FER1L6: variants seen among roughly 807,000 people sequenced by gnomAD.
FER1L6 encodes fer-1-like protein 6.
FER1L6 carries 177 observed loss-of-function variants against 219.2 expected under a neutral mutation model. The ratio of observed to expected loss-of-function variants is 0.81; its 90% CI spans 0.71 to 0.91. The LOEUF (loss-of-function observed/expected upper bound fraction) is 0.91, where lower values mean the gene tolerates loss of function less well. Among genes scored for constraint, FER1L6 ranks in the 40% least tolerant of loss-of-function variants. The pLI, the probability that FER1L6 is intolerant of heterozygous loss-of-function variation, is 0.00. For synonymous variants in FER1L6, 768 were observed against 824.3 expected, an observed-to-expected ratio of 0.93 and a Z score of 1.17; for missense variants, 2,153 against 2,259.9, an observed-to-expected ratio of 0.95 and a Z score of 0.96.
chr8:123,962,490 G>T (rs528438311), intron 2 of FER1L6, among the ~76,000 whole-genome samples: 82 of 152,166 alleles, frequency 5.4e-4, no homozygotes, highest in African/African-American at 1.9e-3. Flanking sequence ...TTGCCACAGG[G>T]TCCATTCTGT....
At chr8:124,069,596 C>A in intron 29 of FER1L6, 121 bp downstream of exon 29, 1 of 662,652 alleles carries the variant, frequency 1.5e-6, no homozygotes, top group Non-Finnish European at 2.5e-6. Context: ...TCATTGTCAC[C>A]GATGTAGAGA....
At chr8:123,928,912 C>T (rs1225538296) in intron 1 of FER1L6, among the ~76,000 whole-genome samples, 1 of 152,130 alleles carries the variant, frequency 6.6e-6, no homozygotes, top group African/African-American at 2.4e-5. Context: ...GAAAGTGAGG[C>T]ACACCCAGGC....
At chr8:124,027,805 G>GC (rs1379223792) in intron 18 of FER1L6, among the ~76,000 whole-genome samples, 42 of 152,202 alleles carry the variant, frequency 2.8e-4, no homozygotes, top group Non-Finnish European at 5.0e-4. Context: ...TGATTCCTCT[G>GC]CCTTCCTTGG....
chr8:123,941,517 T>C (rs1814241182), intron 1 of FER1L6, among the ~76,000 whole-genome samples: 1 of 152,062 alleles, frequency 6.6e-6, no homozygotes, highest in African/African-American at 2.4e-5. Flanking sequence ...GCAGAGAGAT[T>C]TGAGTACAGG....
rs753065214 is a variant in FER1L6 at position 124,101,125 on chromosome 8, C to G, written c.4912C>G (p.Gln1638Glu). The G allele has an allele frequency of 6.2e-7, 1 of 1,613,490 alleles. No homozygotes were observed. Among genetic ancestry groups the G allele is most frequent in the Non-Finnish European group, 8.5e-7 (1 of 1,179,762 alleles). Residue 1638 changes from glutamine (Q) to glutamate (E), a missense_variant, in exon 38 of 41, where the codon CAG (glutamine) becomes GAG (glutamate). Gln to Glu is a conservative substitution (Grantham distance 29). Coordinates refer to ENST00000522917, the MANE Select transcript of FER1L6 (RefSeq NM_001039112.2). ...GWLKGLEDDKQETDVHYNSLT... is the reference protein window; with the variant it reads ...GWLKGLEDDKEETDVHYNSLT... ...GTTAAAGGGCTTGGAGGATGACAAG[C>G]AGGAGACAGATGTGCATTACAACTC...
intron 2 of FER1L6, among the ~76,000 whole-genome samples, chr8:123,961,705 G>T (rs928633385): frequency 6.6e-6 from 1 of 152,088 alleles, no homozygotes; most frequent in Non-Finnish European, 1.5e-5. Flanking sequence ...CTGAACACAC[G>T]TGCATGTTAT....
At chr8:124,011,479 C>T (rs1379539747) in intron 14 of FER1L6, among the ~76,000 whole-genome samples, 2 of 152,126 alleles carry the variant, frequency 1.3e-5, no homozygotes, top group African/African-American at 4.8e-5. Context: ...CCTCAGCCTC[C>T]CATATAGCTG....
chr8:124,028,017 C>T (rs1818785591), intron 18 of FER1L6, among the ~76,000 whole-genome samples: 1 of 152,162 alleles, frequency 6.6e-6, no homozygotes, highest in Non-Finnish European at 1.5e-5. Flanking sequence ...AATAGCAAAA[C>T]ACTTCAGAAG....
At chr8:123,862,387 T>G (rs1291845542) in intron 1 of FER1L6, among the ~76,000 whole-genome samples, 1 of 134,724 alleles carries the variant, frequency 7.4e-6, no homozygotes, top group Non-Finnish European at 1.6e-5. Flanking sequence ...TTGCCAGTAT[T>G]TTATTGAGGA....
chr8:123,873,507 A>G (rs1007379773), intron 1 of FER1L6, among the ~76,000 whole-genome samples: 1 of 152,164 alleles, frequency 6.6e-6, no homozygotes, highest in Non-Finnish European at 1.5e-5. Flanking sequence ...TTGAAGCGGA[A>G]AAGTTTTACT....
chr8:123,852,471 CGTGTGTGT>C lies in FER1L6; in HGVS notation c.-8+321_-8+328del, dbSNP rs61303449. 0.21 allele frequency among the ~76,000 whole-genome samples: 29,033 copies of C among 139,934 alleles called. 3,161 individuals carry two copies. The highest frequency in any genetic ancestry group is 0.36 in the East Asian group (1,708 of 4,704). The allele number at this position is 139,934 out of a possible 152,430, so 91.8% of individuals were successfully genotyped here. A position where few individuals can be genotyped will look rare whatever the true frequency, so the allele number is the denominator to read the frequency against. ...GCTTGAACTCCATGTTGTGAGCATG[CGTGTGTGT>C]GTGTGTGTGTGTGTGTGTGTGTGTG... On this transcript the variant is annotated intron_variant, in intron 1 of 40. Coordinates refer to ENST00000522917, the MANE Select transcript of FER1L6 (RefSeq NM_001039112.2). The surrounding 1 kb of genome is among the most constrained non-coding windows in gnomAD (Gnocchi z 4.9).
intron 2 of FER1L6, among the ~76,000 whole-genome samples, chr8:123,959,156 A>G (rs1415264697): frequency 3.3e-5 from 5 of 152,212 alleles, no homozygotes; most frequent in Non-Finnish European, 7.3e-5. Context: ...GCAGTAACTC[A>G]ATAAATTAGT....
rs531069143 is a variant in FER1L6 at position 124,033,516 on chromosome 8, A to C, written c.2287-1761A>C. ...CTTGATTTTTTTTTTTGAGCTCAAC[A>C]AACACTGGCATCCTACTGCTTAAAG... On this transcript the variant is annotated intron_variant, in intron 18 of 40. Coordinates refer to ENST00000522917, the MANE Select transcript of FER1L6 (RefSeq NM_001039112.2). 3.3e-5 allele frequency among the ~76,000 whole-genome samples: 5 copies of C among 152,114 alleles called. No homozygotes were observed. In the South Asian group the frequency reaches 8.3e-4, roughly 25 times the overall value.
chr8:123,882,085 G>A (rs1340132452), intron 1 of FER1L6, among the ~76,000 whole-genome samples: 1 of 152,032 alleles, frequency 6.6e-6, no homozygotes, highest in African/African-American at 2.4e-5. Context: ...TTCTTTAGGG[G>A]AACCAAAGAA....
At chr8:124,064,006 AG>A (rs1820710835) in intron 25 of FER1L6, among the ~76,000 whole-genome samples, 1 of 152,168 alleles carries the variant, frequency 6.6e-6, no homozygotes, top group African/African-American at 2.4e-5. Context: ...AACACACAGC[AG>A]GGGGACAATC....
At chr8:123,913,527 A>T (rs1419606448) in intron 1 of FER1L6, among the ~76,000 whole-genome samples, 5 of 151,938 alleles carry the variant, frequency 3.3e-5, no homozygotes, top group Non-Finnish European at 7.4e-5. Context: ...GGTCACCTCT[A>T]CTGTTTATTA....
chr8:124,011,115 C>A (rs1402090936), intron 14 of FER1L6, among the ~76,000 whole-genome samples: 2 of 152,124 alleles, frequency 1.3e-5, no homozygotes, highest in African/African-American at 4.8e-5. Flanking sequence ...TAACCTATAG[C>A]CCCATCTTTC....
At chr8:123,884,781 G>A (rs755178453) in intron 1 of FER1L6, among the ~76,000 whole-genome samples, 21 of 152,152 alleles carry the variant, frequency 1.4e-4, no homozygotes, top group African/African-American at 2.2e-4. Flanking sequence ...TGGCCTTGCC[G>A]TCCCTTCCTC....
chr8:124,091,107 G>T (rs1186824672), intron 33 of FER1L6, among the ~76,000 whole-genome samples: 2 of 152,118 alleles, frequency 1.3e-5, no homozygotes, highest in Non-Finnish European at 1.5e-5. Flanking sequence ...ATACCTCATT[G>T]TGAATATCCT....
Sources: allele counts gnomAD v4.1 joint callset (sites outside exome capture counted in the v4.1 genomes callset), GRCh38; gene constraint gnomAD v4.1.1; non-coding constraint Gnocchi (gnomAD v3.1); transcripts MANE v1.5; gene names NCBI Gene and HGNC (gene_info 2026-07-23, HGNC 2026-07-21).